RPL4: variants seen among roughly 807,000 people sequenced by gnomAD.
RPL4 encodes ribosomal protein L4.
A neutral mutation model predicts 47.7 loss-of-function variants in RPL4; 3 were observed. That is an observed-to-expected ratio of 0.06 (90% CI 0.03 to 0.16). RPL4 has a LOEUF of 0.16. Among genes scored for constraint, RPL4 ranks in the 10% least tolerant of loss-of-function variants. The pLI is 1.00. For missense variants in RPL4, 413 were observed against 551.3 expected (o/e 0.75, Z 2.51); for synonymous variants, 208 against 182.1 (o/e 1.14, Z -1.15).
chr15:66,504,662 G>A (rs1893716914), intron 1 of RPL4, 126 bp downstream of exon 1: 3 of 1,387,362 alleles, frequency 2.2e-6, no homozygotes, highest in African/African-American at 2.9e-5. Context: ...ACCAGAAAAA[G>A]ACGCCTTTGG....
intron 4 of RPL4, 152 bp from the exon 5 acceptor site, chr15:66,502,064 C>A (rs370258141): frequency 1.6e-4 from 156 of 998,076 alleles, no homozygotes; most frequent in Non-Finnish European, 2.2e-4. Context: ...GAAACACGGA[C>A]CAATTAAGTG....
chr15:66,503,250 G>A (rs767913675), intron 2 of RPL4, 86 bp from the exon 3 acceptor site: 2 of 1,583,946 alleles, frequency 1.3e-6, no homozygotes, highest in South Asian at 1.1e-5. Context: ...AACAGCATCA[G>A]AACATCCGAG....
rs761401663 is a variant in RPL4, at chr15:66,501,496, G to A, written c.555C>T (p.Ala185=). 1.2e-6 allele frequency: 2 copies of A among 1,614,140 alleles called. No individual in the cohort carries two copies. The highest frequency in any genetic ancestry group is 1.1e-5 in the South Asian group (1 of 91,084). Residue 185 remains alanine, a synonymous_variant, in exon 6 of 10, where the codon GCC becomes GCT. Coordinates refer to ENST00000307961, the MANE Select transcript of RPL4 (RefSeq NM_000968.4). The part of the protein sequence containing the change: ...KAWNDIKKVY[A]SQRMRAGKGK... ...CTTTGCCAGCTCTCATTCGCTGAGA[G>A]GCATAGACCTACAAAGTGAGCAGTT...
intron 7 of RPL4, 127 bp from the exon 8 acceptor site, chr15:66,500,503 C>G: frequency 1.2e-6 from 1 of 831,624 alleles, no homozygotes; most frequent in Non-Finnish European, 1.9e-6. Context: ...TTCTCATAAA[C>G]ATGGACCAGG....
At chr15:66,502,328 C>T (rs1595896193) in intron 4 of RPL4, 1 of 408,880 alleles carries the variant, frequency 2.4e-6, no homozygotes, top group East Asian at 4.9e-5. Flanking sequence ...AAAAGTGGGG[C>T]ATTTTGTATC....
rs1406478920 is a variant in RPL4 at position 66,499,302 on chromosome 15, A to G, written c.*105T>C. On this transcript the variant is annotated 3_prime_UTR_variant, in exon 10 of 10. Coordinates refer to ENST00000307961, the MANE Select transcript of RPL4 (RefSeq NM_000968.4). ...TAAAAAAATTCTAACCAAGCTTTAC[A>G]GAGCACACCAAGTCATGTTTCTCAC... 4.3e-6 allele frequency: 6 copies of G among 1,405,078 alleles called. No individual in the cohort carries two copies. The East Asian group carries it at 1.1e-4, about 27-fold the overall frequency. The allele number at this position is 1,405,078 out of a possible 1,614,324, so 87.0% of individuals were successfully genotyped here.
Position 66,499,507 on chromosome 15 carries a change from G to A in RPL4, c.1184C>T (p.Pro395Leu), listed in dbSNP as rs928668894. 3 of 1,612,166 alleles carry A rather than the reference G, an allele frequency of 1.9e-6. No individual in the cohort carries two copies. The highest frequency in any genetic ancestry group is 2.5e-6 in the Non-Finnish European group (3 of 1,179,830). The change falls in exon 10 of 10, where the codon CCT (proline) becomes CTT (leucine). Residue 395 changes from proline (P) to leucine (L), a missense_variant. This residue lies in a region of RPL4 where 134 missense variants were observed against 122.7 expected (regional missense o/e 1.09). Coordinates refer to ENST00000307961, the MANE Select transcript of RPL4 (RefSeq NM_000968.4). ...AAVGVKKQKK[P>L]LVGKKAAATK... ...AGCTGCTGCCTTTTTTCCCACCAGAGGCTTCTTCTGCTTCTTAACACCAAC... is the reference window on the plus strand; with the variant it reads ...AGCTGCTGCCTTTTTTCCCACCAGAAGCTTCTTCTGCTTCTTAACACCAAC...
Position 66,504,839 on chromosome 15 carries a change from A to G in RPL4, c.-49T>C. On this transcript the variant is annotated 5_prime_UTR_variant, in exon 1 of 10. Coordinates refer to ENST00000307961, the MANE Select transcript of RPL4 (RefSeq NM_000968.4). ...CTCCTCTCAGCCCGGCTGCTGCCAC[A>G]GGAAAAGGAAGTGCTTACCACTCCC... 1 of 1,606,470 alleles carries G rather than the reference A, an allele frequency of 6.2e-7. No homozygotes were observed. Among genetic ancestry groups the G allele is most frequent in the Non-Finnish European group, 8.5e-7 (1 of 1,176,838 alleles).
rs1328135387 is a variant in RPL4, at chr15:66,498,500, G to GT, written c.*906dup. On this transcript the variant is annotated 3_prime_UTR_variant, in exon 10 of 10. Coordinates refer to ENST00000307961, the MANE Select transcript of RPL4 (RefSeq NM_000968.4). The stretch of plus-strand genomic sequence containing the variant: ...TAATATTTGCAGTTTAGCTTTATGG[G>GT]TAAAAAAAAACACCCTTATATCTGG... 2 of 151,936 alleles carry GT rather than the reference G, an allele frequency of 1.3e-5. No individual in the cohort carries two copies. The highest frequency in any genetic ancestry group is 2.9e-5 in the Non-Finnish European group (2 of 67,968). 9.4% of individuals were successfully genotyped at this position (151,936 alleles called of 1,614,324 possible).
intron 5 of RPL4, 117 bp from the exon 6 acceptor site, chr15:66,501,621 C>G: frequency 6.6e-7 from 1 of 1,520,060 alleles, no homozygotes; most frequent in Non-Finnish European, 8.9e-7. Context: ...GCCAAGGTTA[C>G]ACAGAGCCAT....
In RPL4 at chr15:66,499,505, G is replaced by A; in HGVS notation, c.1186C>T (p.Leu396=). The stretch of plus-strand genomic sequence containing the variant: ...GTAGCTGCTGCCTTTTTTCCCACCA[G>A]AGGCTTCTTCTGCTTCTTAACACCA... ...AVGVKKQKKP[L]VGKKAAATKK... is the part of the protein sequence containing the mutation. Residue 396 remains leucine (L), a synonymous_variant, in exon 10 of 10, where the codon CTG becomes TTG. Coordinates refer to ENST00000307961, the MANE Select transcript of RPL4 (RefSeq NM_000968.4). 1 of 1,612,138 alleles carries A rather than the reference G, an allele frequency of 6.2e-7. No homozygotes were observed. Among genetic ancestry groups the A allele is most frequent in the South Asian group, 1.1e-5 (1 of 90,994 alleles).
Position 66,500,355 on chromosome 15 carries a change from A to C in RPL4, c.855T>G (p.Ile285Met). The change falls in exon 8 of 10, where the codon ATT (isoleucine) becomes ATG (methionine). Residue 285 changes from isoleucine to methionine, a missense_variant. Physicochemically the swap from Ile to Met is conservative, Grantham distance 10. Around this residue, in one of 4 missense-constraint regions of RPL4, gnomAD observed 214 missense variants for 304.2 expected, o/e 0.70. Coordinates refer to ENST00000307961, the MANE Select transcript of RPL4 (RefSeq NM_000968.4). ...SNYNLPMHKM[I>M]NTDLSRILKS... ...TCAAGATTCTGCTAAGATCTGTATT[A>C]ATCATCTTGTGCATGGGAAGACTGA... The C allele has an allele frequency of 1.2e-6, 2 of 1,614,116 alleles. No homozygotes were observed. The highest frequency in any genetic ancestry group is 8.5e-7 in the Non-Finnish European group (1 of 1,179,984).
In RPL4 at chr15:66,501,907, G is replaced by T; in HGVS notation, c.427C>A (p.Arg143Ser). The T allele has an allele frequency of 6.2e-7, 1 of 1,608,012 alleles. No homozygotes were observed. The highest frequency in any genetic ancestry group is 8.5e-7 in the Non-Finnish European group (1 of 1,178,570). Residue 143 changes from arginine to serine, a missense_variant, in exon 5 of 10, where the codon CGT (arginine) becomes AGT (serine). Physicochemically the swap from Arg to Ser is moderately radical, Grantham distance 110. This residue lies in a region of RPL4 where 214 missense variants were observed against 304.2 expected (regional missense o/e 0.70). Coordinates refer to ENST00000307961, the MANE Select transcript of RPL4 (RefSeq NM_000968.4). ...LPALVMSKGHRIEEVPELPLV... is the reference protein window; with the variant it reads ...LPALVMSKGHSIEEVPELPLV... Reference sequence around the variant, plus strand: ...GGAAGTTCAGGAACTTCCTCAATACGATGACCTAACAAAAACCAATGACAC... The same window carrying T: ...GGAAGTTCAGGAACTTCCTCAATACTATGACCTAACAAAAACCAATGACAC...
At position 66,499,165 on chromosome 15, in the gene RPL4, A is replaced by T; in HGVS notation, c.*242T>A. ...TATTTAGAAAACCACAACTTTTTTT[A>T]AATCATTCCCCTTCCACTGAACTCC... On this transcript the variant is annotated 3_prime_UTR_variant, in exon 10 of 10. Transcript: ENST00000307961. 1 of 414,308 alleles carries T rather than the reference A, an allele frequency of 2.4e-6. No homozygotes were observed. Among genetic ancestry groups the T allele is most frequent in the Non-Finnish European group, 4.2e-6 (1 of 235,890 alleles). 25.7% of individuals were successfully genotyped at this position (414,308 alleles called of 1,614,324 possible). A position where few individuals can be genotyped will look rare whatever the true frequency, so the allele number is the denominator to read the frequency against.
chr15:66,502,591 C>CTTATACT, intron 4 of RPL4, 21 bp downstream of exon 4: 1 of 1,607,812 alleles, frequency 6.2e-7, no homozygotes, highest in African/African-American at 1.3e-5. Context: ...ATCAAACTCT[C>CTTATACT]TTATATAAAG....
Position 66,502,870 on chromosome 15 carries a change from C to G in RPL4, c.283-120G>C, listed in dbSNP as rs200476870. ...CAGCTTACTGACAGCAGGCAACTGTCGCTGAGAACAGAGTAAGACGCAAAT... is the reference window on the plus strand; with the variant it reads ...CAGCTTACTGACAGCAGGCAACTGTGGCTGAGAACAGAGTAAGACGCAAAT... On this transcript the variant is annotated intron_variant, in intron 3 of 9. Transcript: ENST00000307961. The G allele has an allele frequency of 2.3e-5, 34 of 1,492,586 alleles. 1 individual carries two copies. Among genetic ancestry groups the G allele is most frequent in the Non-Finnish European group, 3.2e-5 (34 of 1,069,812 alleles). 92.5% of individuals were successfully genotyped at this position (1,492,586 alleles called of 1,614,324 possible).
Position 66,498,842 on chromosome 15 carries a change from C to G in RPL4, c.*565G>C, listed in dbSNP as rs1238511826. On this transcript the variant is annotated 3_prime_UTR_variant, in exon 10 of 10. Coordinates refer to ENST00000307961, the MANE Select transcript of RPL4 (RefSeq NM_000968.4). ...TCATTGGCTCAAGTGCTCTGCCCACCTTAGGGTCCCAAAGTGTTGGGATTA... is the reference window on the plus strand; with the variant it reads ...TCATTGGCTCAAGTGCTCTGCCCACGTTAGGGTCCCAAAGTGTTGGGATTA... 1.3e-5 allele frequency: 2 copies of G among 153,618 alleles called. No homozygotes were observed. The highest frequency in any genetic ancestry group is 4.8e-5 in the African/African-American group (2 of 41,438). The allele number at this position is 153,618 out of a possible 1,614,324, so 9.5% of individuals were successfully genotyped here.
In RPL4 at chr15:66,499,560, C is replaced by A. The variant is rs761967479; in HGVS notation, c.1131G>T (p.Val377=). 1 of 1,613,766 alleles carries A rather than the reference C, an allele frequency of 6.2e-7. No individual in the cohort carries two copies. Among genetic ancestry groups the A allele is most frequent in the Non-Finnish European group, 8.5e-7 (1 of 1,179,872 alleles). Residue 377 remains valine, a synonymous_variant, in exon 10 of 10, where the codon GTG becomes GTT. Coordinates refer to ENST00000307961, the MANE Select transcript of RPL4 (RefSeq NM_000968.4). ...CAGCCTTCTTTCCTTTCTTACCTAC[C>A]ACAGGCTTCTTGCCTGCAACCGCCG... is the stretch of plus-strand genomic sequence containing the variant. The part of the protein sequence containing the change: ...EKAAVAGKKP[V]VGKKGKKAAV...
intron 9 of RPL4, 22 bp from the exon 10 acceptor site, chr15:66,499,674 A>C: frequency 6.2e-7 from 1 of 1,612,688 alleles, no homozygotes; most frequent in Non-Finnish European, 8.5e-7. Flanking sequence ...TAGGCAGAAA[A>C]CAGTAAGAAT....
Sources: allele counts gnomAD v4.1 joint callset, GRCh38; gene constraint gnomAD v4.1.1; regional missense constraint gnomAD v4.1.1; transcripts MANE v1.5; gene names NCBI Gene and HGNC (gene_info 2026-07-23, HGNC 2026-07-21).